The following AGO3 variants were observed in gnomAD, a reference collection of about 807,000 sequenced individuals.
AGO3 encodes argonaute RISC catalytic component 3.
AGO3 carries 16 observed loss-of-function variants against 105.5 expected under a neutral mutation model. The ratio of observed to expected loss-of-function variants is 0.15; its 90% CI spans 0.10 to 0.23. The LOEUF (loss-of-function observed/expected upper bound fraction) is 0.23. AGO3 is among the 10% of genes least tolerant of loss of function. The pLI is 1.00. For missense variants in AGO3, 534 were observed against 1,088.0 expected (o/e 0.49, Z 7.16); for synonymous variants, 340 against 367.3 (o/e 0.93, Z 0.85).
chr1:35,952,098 G>A (rs539056288), intron 2 of AGO3, among the ~76,000 whole-genome samples: 1 of 149,254 alleles, frequency 6.7e-6, no homozygotes, highest in South Asian at 2.1e-4. Flanking sequence ...GTAGATTGTC[G>A]GTTCTGGGTC....
chr1:36,036,779 TC>T (rs1480592068), intron 14 of AGO3, among the ~76,000 whole-genome samples: 1 of 152,062 alleles, frequency 6.6e-6, no homozygotes, highest in Non-Finnish European at 1.5e-5. Context: ...ACTGCAACCT[TC>T]ATCTCCCAGG....
chr1:36,047,698 T>C (rs1323390455), intron 17 of AGO3, among the ~76,000 whole-genome samples: 1 of 151,724 alleles, frequency 6.6e-6, no homozygotes, highest in Non-Finnish European at 1.5e-5. Context: ...CTGGGCAACA[T>C]GGTGATACCC....
intron 2 of AGO3, among the ~76,000 whole-genome samples, chr1:35,962,754 G>A (rs1197560357): frequency 1.3e-5 from 2 of 151,798 alleles, no homozygotes; most frequent in African/African-American, 2.4e-5. Context: ...AATAAAATTG[G>A]GTCCTTGCTG....
intron 2 of AGO3, among the ~76,000 whole-genome samples, chr1:35,955,113 C>T (rs1349845827): frequency 1.3e-5 from 2 of 152,266 alleles, no homozygotes; most frequent in East Asian, 3.9e-4. Flanking sequence ...ATCTGAAATC[C>T]GTGCTAAGGC....
intron 14 of AGO3, among the ~76,000 whole-genome samples, chr1:36,037,248 G>GA (rs1642051063): frequency 6.6e-6 from 1 of 152,150 alleles, no homozygotes; most frequent in African/African-American, 2.4e-5. Context: ...GGCCAGGCGC[G>GA]GTGGCTCACG....
chr1:36,072,345 C>CT lies in AGO3; in HGVS notation c.*16606dup, dbSNP rs1643176708. On this transcript the variant is annotated 3_prime_UTR_variant, in exon 19 of 19. Coordinates refer to ENST00000373191, the MANE Select transcript of AGO3 (RefSeq NM_024852.4). The stretch of plus-strand genomic sequence containing the variant: ...AATGTTCTGTGACAGAACCACTACT[C>CT]TTTTTTCTGCCATTCTGCCTACTGG... 2.0e-5 allele frequency: 3 copies of CT among 152,276 alleles called. No homozygotes were observed. The highest frequency in any genetic ancestry group is 6.5e-5 in the Admixed American group (1 of 15,298). 9.4% of individuals were successfully genotyped at this position (152,276 alleles called of 1,614,324 possible).
In AGO3 at chr1:35,972,786, C is replaced by T. The variant is rs1012764961; in HGVS notation, c.521+554C>T. On this transcript the variant is annotated intron_variant, in intron 4 of 18. Coordinates refer to ENST00000373191, the MANE Select transcript of AGO3 (RefSeq NM_024852.4). ...CTCAACCTCCCAGGCCTAAGCAATC[C>T]TCCTACCTCAGCCTTCTGAGTAGCT... is the stretch of plus-strand genomic sequence containing the variant. 3.3e-5 allele frequency among the ~76,000 whole-genome samples: 5 copies of T among 151,962 alleles called. No individual in the cohort carries two copies. The South Asian group carries it at 1.0e-3, about 32-fold the overall frequency.
intron 14 of AGO3, among the ~76,000 whole-genome samples, chr1:36,039,178 G>A (rs897090620): frequency 1.3e-5 from 2 of 152,134 alleles, no homozygotes; most frequent in African/African-American, 4.8e-5. Context: ...TCAACGGGAA[G>A]TACTATTCTT....
rs1230299469 is a variant in AGO3, at chr1:35,972,213, C to T, written c.502C>T (p.Arg168Ter). The change falls in exon 4 of 19, where the codon CGA (arginine) becomes TGA (stop). Residue 168 changes from arginine to a stop codon, truncating the protein, a stop_gained. Coordinates refer to ENST00000373191, the MANE Select transcript of AGO3 (RefSeq NM_024852.4). LOFTEE classifies it high-confidence loss of function. ...NPVHAVDVVLRHLPSMKYTPV... is the reference protein window; with the variant it reads ...NPVHAVDVVL The stretch of plus-strand genomic sequence containing the variant: ...TGTCCATGCCGTTGATGTGGTGCTA[C>T]GACATCTGCCCTCCATGAAGTGGGT... The T allele has an allele frequency of 1.2e-6, 2 of 1,613,866 alleles. No homozygotes were observed. Among genetic ancestry groups the T allele is most frequent in the Non-Finnish European group, 1.7e-6 (2 of 1,180,006 alleles).
intron 5 of AGO3, among the ~76,000 whole-genome samples, chr1:35,982,292 A>G (rs2148784613): frequency 6.6e-6 from 1 of 152,334 alleles, no homozygotes; most frequent in East Asian, 1.9e-4. Context: ...ATTTCTAAAT[A>G]ACCCCTTGTT....
chr1:36,050,979 A>G (rs1029257312), intron 17 of AGO3, among the ~76,000 whole-genome samples: 19 of 152,106 alleles, frequency 1.2e-4, no homozygotes, highest in African/African-American at 4.6e-4. Flanking sequence ...GACACATGCC[A>G]CCATGCCTGG....
In AGO3 at chr1:35,958,137, C is replaced by A. The variant is rs1223389394; in HGVS notation, c.192-8818C>A. Reference sequence around the variant, plus strand: ...GTGGCTCACGCCTGTAATCCCAGCACTTTGGGAGGCCAAGGCGGGCGGATC... The same window carrying A: ...GTGGCTCACGCCTGTAATCCCAGCAATTTGGGAGGCCAAGGCGGGCGGATC... On this transcript the variant is annotated intron_variant, in intron 2 of 18. Coordinates refer to ENST00000373191, the MANE Select transcript of AGO3 (RefSeq NM_024852.4). Among the ~76,000 whole-genome samples, 5 of 152,234 alleles carry A rather than the reference C, an allele frequency of 3.3e-5. No individual in the cohort carries two copies. In the East Asian group the frequency reaches 9.7e-4, roughly 29 times the overall value.
chr1:35,937,948 AT>A, intron 1 of AGO3, among the ~76,000 whole-genome samples: 1 of 151,742 alleles, frequency 6.6e-6, no homozygotes, highest in Middle Eastern at 3.4e-3. Flanking sequence ...GATCAACACA[AT>A]ATATTTCTTT....
intron 17 of AGO3, among the ~76,000 whole-genome samples, chr1:36,044,725 A>C (rs1569923205): frequency 6.6e-6 from 1 of 152,206 alleles, no homozygotes; most frequent in East Asian, 1.9e-4. Context: ...TACAGGCTTG[A>C]GCCACTGCAC....
intron 5 of AGO3, 114 bp downstream of exon 5, chr1:35,973,625 G>T: frequency 8.5e-7 from 1 of 1,170,036 alleles, no homozygotes; most frequent in Non-Finnish European, 1.1e-6. Flanking sequence ...ATTTGGACAT[G>T]TATTATGATC....
chr1:36,055,223 A>G lies in AGO3; in HGVS notation c.2474+78A>G, dbSNP rs1334955881. 4.9e-6 allele frequency: 7 copies of G among 1,441,412 alleles called. No homozygotes were observed. In the East Asian group the frequency reaches 1.2e-4, roughly 26 times the overall value. The allele number at this position is 1,441,412 out of a possible 1,614,324, so 89.3% of individuals were successfully genotyped here. A position where few individuals can be genotyped will look rare whatever the true frequency, so the allele number is the denominator to read the frequency against. ...GTAGGATTTTCAAGTTCCACAAGCT[A>G]TTAGCGGAGTCAGTGATCCATGTGA... On this transcript the variant is annotated intron_variant, in intron 18 of 18. Coordinates refer to ENST00000373191, the MANE Select transcript of AGO3 (RefSeq NM_024852.4). This position sits in a 1 kb window ranked among gnomAD's most constrained non-coding sequence, Gnocchi z 4.4.
intron 13 of AGO3, among the ~76,000 whole-genome samples, chr1:36,035,901 C>T (rs1003308480): frequency 6.6e-6 from 1 of 151,916 alleles, no homozygotes; most frequent in East Asian, 1.9e-4. Flanking sequence ...GGTGTGGTGG[C>T]GGGCGCCTGT....
chr1:36,049,311 A>T (rs1642603644), intron 17 of AGO3, among the ~76,000 whole-genome samples: 1 of 152,132 alleles, frequency 6.6e-6, no homozygotes. Flanking sequence ...CAAGGTCAAG[A>T]GATCAAGACT....
chr1:36,035,804 A>G (rs1399202205), intron 13 of AGO3, among the ~76,000 whole-genome samples: 1 of 152,172 alleles, frequency 6.6e-6, no homozygotes, highest in African/African-American at 2.4e-5. Context: ...AGGCCAAGGC[A>G]GGTGGATCAC....
Sources: gnomAD v4.1 joint callset for allele counts (sites outside exome capture counted in the v4.1 genomes callset) on GRCh38, gnomAD v4.1.1 for gene constraint, Gnocchi (gnomAD v3.1) non-coding constraint, MANE v1.5 for transcripts, NCBI Gene and HGNC (gene_info 2026-07-23, HGNC 2026-07-21) for gene names.